The following SAMD7 variants were observed in gnomAD, a reference collection of about 807,000 sequenced individuals.
SAMD7 encodes the protein sterile alpha motif domain containing 7.
A neutral mutation model predicts 36.7 loss-of-function variants in SAMD7; 34 were observed. The ratio of observed to expected loss-of-function variants is 0.93; its 90% CI spans 0.71 to 1.23. The LOEUF (loss-of-function observed/expected upper bound fraction) is 1.23. Among genes scored for constraint, SAMD7 ranks in the 50% most tolerant of loss-of-function variants. The pLI is 0.00. For synonymous variants in SAMD7, 188 were observed against 189.7 expected, an observed-to-expected ratio of 0.99 and a Z score of 0.07; for missense variants, 570 against 546.6, an observed-to-expected ratio of 1.04 and a Z score of -0.43.
intron 7 of SAMD7, chr3:169,932,112 T>C: frequency 3.8e-6 from 2 of 527,942 alleles, no homozygotes; most frequent in Admixed American, 3.1e-5. Context: ...TTTCACTACT[T>C]GATCCCCTGA....
rs1018543042 is a variant in SAMD7, at chr3:169,930,668, G to A, written c.1041+2090G>A. Among the ~76,000 whole-genome samples the A allele has an allele frequency of 3.4e-4, 47 of 138,418 alleles. 1 individual carries two copies. Among genetic ancestry groups the A allele is most frequent in the African/African-American group, 1.1e-3 (40 of 36,642 alleles). 90.8% of individuals were successfully genotyped at this position (138,418 alleles called of 152,430 possible). A position where few individuals can be genotyped will look rare whatever the true frequency, so the allele number is the denominator to read the frequency against. Reference sequence around the variant, plus strand: ...ATCATCTCTGCTCACCACAACCTCCGCCTCCTGGGTTCAAGCGATTCTCCT... The same window carrying A: ...ATCATCTCTGCTCACCACAACCTCCACCTCCTGGGTTCAAGCGATTCTCCT... On this transcript the variant is annotated intron_variant, in intron 7 of 8. Transcript: ENST00000335556.
intron 8 of SAMD7, among the ~76,000 whole-genome samples, chr3:169,936,883 G>A (rs928972083): frequency 1.2e-4 from 18 of 151,942 alleles, no homozygotes; most frequent in African/African-American, 4.4e-4. Context: ...ATCCTGAAAT[G>A]GGAAAAGATG....
Position 169,925,153 on chromosome 3 carries a change from GT to G in SAMD7, c.290+21del. Reference sequence around the variant, plus strand: ...TACTGCCAGGTAATTTGGCAATGTTGTTTTATTTATTCTCTATTCATTCACT... The same window carrying G: ...TACTGCCAGGTAATTTGGCAATGTTGTTTATTTATTCTCTATTCATTCACT... On this transcript the variant is annotated intron_variant, in intron 5 of 8. Coordinates refer to ENST00000335556, the MANE Select transcript of SAMD7 (RefSeq NM_001304366.2). 1 of 1,552,908 alleles carries G rather than the reference GT, an allele frequency of 6.4e-7. No individual in the cohort carries two copies. The highest frequency in any genetic ancestry group is 8.8e-7 in the Non-Finnish European group (1 of 1,132,472).
chr3:169,916,886 C>T (rs1257157302), intron 2 of SAMD7, among the ~76,000 whole-genome samples: 15 of 152,276 alleles, frequency 9.9e-5, no homozygotes, highest in Middle Eastern at 3.4e-3. Context: ...TTTCAAGTTG[C>T]GGGGCAGGGT....
chr3:169,928,701 A>G, intron 7 of SAMD7, 123 bp downstream of exon 7: 9 of 1,023,134 alleles, frequency 8.8e-6, no homozygotes, highest in Non-Finnish European at 1.2e-5. Context: ...TCTCTTTTTT[A>G]TGCCAGTGTC....
At chr3:169,935,717 T>C (rs1713691909) in intron 7 of SAMD7, among the ~76,000 whole-genome samples, 1 of 152,190 alleles carries the variant, frequency 6.6e-6, no homozygotes, top group Non-Finnish European at 1.5e-5. Flanking sequence ...TGCCTAGATT[T>C]TGTATCCCTC....
chr3:169,933,294 AT>A (rs1431161902), intron 7 of SAMD7: 3 of 436,394 alleles, frequency 6.9e-6, no homozygotes, highest in African/African-American at 6.0e-5. Context: ...AGCACAATCA[AT>A]TCCAAATGGT....
intron 3 of SAMD7, among the ~76,000 whole-genome samples, chr3:169,920,400 C>G (rs1712994433): frequency 6.6e-6 from 1 of 152,138 alleles, no homozygotes; most frequent in Non-Finnish European, 1.5e-5. Context: ...CCTGGTATCT[C>G]TTGTTCTTAA....
At chr3:169,929,991 C>T (rs1289290133) in intron 7 of SAMD7, among the ~76,000 whole-genome samples, 1 of 152,218 alleles carries the variant, frequency 6.6e-6, no homozygotes, top group East Asian at 1.9e-4. Flanking sequence ...AAGTTGCTAA[C>T]TTCTGATAAC....
At chr3:169,928,694 C>G in intron 7 of SAMD7, 116 bp downstream of exon 7, 2 of 1,082,600 alleles carry the variant, frequency 1.8e-6, no homozygotes, top group Non-Finnish European at 2.7e-6. Context: ...ACTAATCTCT[C>G]TTTTTTATGC....
chr3:169,927,449 C>T (rs942655545), intron 6 of SAMD7, among the ~76,000 whole-genome samples: 1 of 151,948 alleles, frequency 6.6e-6, no homozygotes, highest in African/African-American at 2.4e-5. Flanking sequence ...AGCATGCTGC[C>T]ACGCCCGGCT....
At chr3:169,925,529 A>C (rs1240496825) in intron 5 of SAMD7, among the ~76,000 whole-genome samples, 3 of 152,182 alleles carry the variant, frequency 2.0e-5, no homozygotes, top group Non-Finnish European at 2.9e-5. Context: ...GTTCAAGACC[A>C]GCCTGGCCAA....
At chr3:169,923,158 G>A (rs554835458) in intron 4 of SAMD7, among the ~76,000 whole-genome samples, 2 of 152,356 alleles carry the variant, frequency 1.3e-5, no homozygotes, top group South Asian at 4.1e-4. Context: ...TGGGAGCAAT[G>A]TGAAGGGAAA....
chr3:169,932,920 C>T (rs750626410), intron 7 of SAMD7: 26 of 652,412 alleles, frequency 4.0e-5, no homozygotes, highest in Non-Finnish European at 5.7e-5. Flanking sequence ...CCAGTATGCT[C>T]ATCCTTCTTG....
intron 7 of SAMD7, 27 bp from the exon 8 acceptor site, chr3:169,936,312 G>C: frequency 7.3e-7 from 1 of 1,377,320 alleles, no homozygotes; most frequent in Non-Finnish European, 1.0e-6. Flanking sequence ...CATTCAGACA[G>C]AGTTAACACC....
In SAMD7 at chr3:169,926,777, A is replaced by C. The variant is rs770550784; in HGVS notation, c.515A>C (p.His172Pro). 6.2e-7 allele frequency: 1 copy of C among 1,613,940 alleles called. No homozygotes were observed. Among genetic ancestry groups the C allele is most frequent in the East Asian group, 2.2e-5 (1 of 44,864 alleles). ...CCCATGCTAGCGGCAACTGCACCAC[A>C]CTTTGAGGAGAGCTGGGGGCAGAGA... ...GNPMLAATAP[H>P]FEESWGQRCR... is the part of the protein sequence containing the mutation. The change falls in exon 6 of 9, where the codon CAC becomes CCC. Residue 172 changes from histidine (H) to proline (P), a missense_variant. Coordinates refer to ENST00000335556, the MANE Select transcript of SAMD7 (RefSeq NM_001304366.2).
At chr3:169,933,739 T>C (rs953672357) in intron 7 of SAMD7, among the ~76,000 whole-genome samples, 1 of 152,228 alleles carries the variant, frequency 6.6e-6, no homozygotes, top group African/African-American at 2.4e-5. Flanking sequence ...CTGTGAGGCA[T>C]GGAGCACAGA....
intron 8 of SAMD7, among the ~76,000 whole-genome samples, chr3:169,938,020 A>G (rs1439275791): frequency 6.6e-6 from 1 of 152,166 alleles, no homozygotes; most frequent in Non-Finnish European, 1.5e-5. Context: ...TCCTCCTAAC[A>G]TGCCACCACC....
intron 6 of SAMD7, 27 bp downstream of exon 6, chr3:169,927,208 T>A: frequency 6.6e-7 from 1 of 1,505,478 alleles, no homozygotes. Context: ...CAATGGCAGA[T>A]CCTCATTAAC....
Sources: gnomAD v4.1 joint callset for allele counts (sites outside exome capture counted in the v4.1 genomes callset) on GRCh38, gnomAD v4.1.1 for gene constraint, MANE v1.5 for transcripts, NCBI Gene and HGNC (gene_info 2026-07-23, HGNC 2026-07-21) for gene names.